ITPR1: variants seen among roughly 807,000 people sequenced by gnomAD.
ITPR1 encodes the protein inositol 1,4,5-trisphosphate receptor type 1, also known as inositol 1,4,5-trisphosphate-gated calcium channel ITPR1.
In ITPR1, 96 loss-of-function variants were observed where a neutral mutation model predicts 318.4. The ratio of observed to expected loss-of-function variants is 0.30; its 90% confidence interval spans 0.26 to 0.36. The LOEUF is 0.36. Among genes scored for constraint, ITPR1 ranks in the 10% least tolerant of loss-of-function variants. The pLI, the probability that ITPR1 is intolerant of heterozygous loss-of-function variation, is 1.00. For synonymous variants in ITPR1, 1,312 were observed against 1,289.9 expected (o/e 1.02, Z -0.37); for missense variants, 2,440 against 3,460.2 (o/e 0.71, Z 7.40).
At chr3:4,611,561 A>AAAATAAATAAAT (rs372628182) in intron 4 of ITPR1, among the ~76,000 whole-genome samples, 18,986 of 142,360 alleles carry the variant, frequency 0.13, 1,470 homozygotes, top group African/African-American at 0.18. Flanking sequence ...CTCTCTCTCA[A>AAAATAAATAAAT]AAATAAATAA....
At chr3:4,570,303 A>G (rs1323046896) in intron 4 of ITPR1, among the ~76,000 whole-genome samples, 2 of 152,244 alleles carry the variant, frequency 1.3e-5, no homozygotes, top group East Asian at 3.8e-4. Flanking sequence ...TTTCTGTGTT[A>G]AAAATGTCTT....
chr3:4,655,183 T>C (rs2093678665), intron 12 of ITPR1, among the ~76,000 whole-genome samples: 1 of 152,206 alleles, frequency 6.6e-6, no homozygotes, highest in Non-Finnish European at 1.5e-5. Flanking sequence ...TGCACCTTCT[T>C]TATTTCAAGA....
intron 44 of ITPR1, among the ~76,000 whole-genome samples, chr3:4,742,080 G>A (rs1188544731): frequency 1.3e-5 from 2 of 152,134 alleles, no homozygotes; most frequent in Non-Finnish European, 2.9e-5. Context: ...CCCCAGGTTG[G>A]CTCAAGGACC....
chr3:4,535,697 G>A (rs1220937203), intron 4 of ITPR1, among the ~76,000 whole-genome samples: 3 of 151,738 alleles, frequency 2.0e-5, no homozygotes, highest in African/African-American at 7.3e-5. Context: ...CACCCGCCTC[G>A]GCCTCCCAAA....
At chr3:4,731,362 G>C (rs184624713) in intron 42 of ITPR1, among the ~76,000 whole-genome samples, 274 of 152,306 alleles carry the variant, frequency 1.8e-3, no homozygotes, top group African/African-American at 6.1e-3. Flanking sequence ...CCTGTGAGCA[G>C]TTTATTTAAA....
intron 20 of ITPR1, 115 bp from the exon 21 acceptor site, chr3:4,673,021 T>G: frequency 1.9e-5 from 21 of 1,105,072 alleles, no homozygotes; most frequent in Non-Finnish European, 2.6e-5. Context: ...TGTTGATGTA[T>G]GAGTTTAGTT....
At chr3:4,646,876 C>T (rs2093470224) in intron 10 of ITPR1, among the ~76,000 whole-genome samples, 1 of 152,070 alleles carries the variant, frequency 6.6e-6, no homozygotes, top group Non-Finnish European at 1.5e-5. Flanking sequence ...TGCTTGCGTT[C>T]TCTTTTCCTC....
intron 4 of ITPR1, among the ~76,000 whole-genome samples, chr3:4,527,180 C>T (rs1322993050): frequency 1.3e-5 from 2 of 152,098 alleles, no homozygotes; most frequent in African/African-American, 4.8e-5. Context: ...GCTTTTCTTC[C>T]TTTGTAGTTT....
chr3:4,531,731 T>G (rs1219439330), intron 4 of ITPR1, among the ~76,000 whole-genome samples: 1 of 152,186 alleles, frequency 6.6e-6, no homozygotes, highest in East Asian at 1.9e-4. Context: ...ATGATCTCCC[T>G]ATCTCTGTTG....
At chr3:4,665,371 T>C (rs1048218870) in intron 17 of ITPR1, 75 bp downstream of exon 17, 3 of 1,354,944 alleles carry the variant, frequency 2.2e-6, no homozygotes, top group Non-Finnish European at 2.1e-6. Context: ...CCTGAGTTTT[T>C]AGTGTCACAT....
chr3:4,568,262 G>C (rs1222586579), intron 4 of ITPR1, among the ~76,000 whole-genome samples: 6 of 152,114 alleles, frequency 3.9e-5, no homozygotes, highest in Non-Finnish European at 7.4e-5. Context: ...GTAAAAACTA[G>C]GCATACTCTA....
At chr3:4,677,019 G>C (rs1371696460) in intron 24 of ITPR1, among the ~76,000 whole-genome samples, 1 of 152,136 alleles carries the variant, frequency 6.6e-6, no homozygotes, top group Admixed American at 6.5e-5. Context: ...GCCATGTCAA[G>C]ACTTGCCATT....
rs536653326 is a variant in ITPR1 at position 4,645,371 on chromosome 3, C to G, written c.625-16C>G. ...GTGAGGGGTACGTGAAAAAATAACT[C>G]GAATCTGTGTTTCAGGTCAATTCCG... On this transcript the variant is annotated splice_polypyrimidine_tract_variant and intron_variant, in intron 8 of 61. Coordinates refer to ENST00000649015, the MANE Select transcript of ITPR1 (RefSeq NM_001378452.1). 1 of 1,586,778 alleles carries G rather than the reference C, an allele frequency of 6.3e-7. No individual in the cohort carries two copies. The highest frequency in any genetic ancestry group is 1.3e-5 in the African/African-American group (1 of 74,450).
At chr3:4,836,199 G>A (rs1225175030) in intron 60 of ITPR1, among the ~76,000 whole-genome samples, 3 of 152,122 alleles carry the variant, frequency 2.0e-5, no homozygotes, top group Admixed American at 6.5e-5. Flanking sequence ...TGAGGCCCCT[G>A]GAGCAGTCAA....
chr3:4,634,275 ATGTT>A (rs2093110047), intron 5 of ITPR1, among the ~76,000 whole-genome samples: 1 of 151,990 alleles, frequency 6.6e-6, no homozygotes, highest in Non-Finnish European at 1.5e-5. Context: ...GTGCAGTGAC[ATGTT>A]CCCGGCTCAC....
chr3:4,574,742 G>A (rs2088440578), intron 4 of ITPR1, among the ~76,000 whole-genome samples: 1 of 152,250 alleles, frequency 6.6e-6, no homozygotes, highest in Admixed American at 6.5e-5. Flanking sequence ...AGCTCCTGAT[G>A]CGTCAGTCAC....
At chr3:4,554,376 A>G (rs936662913) in intron 4 of ITPR1, among the ~76,000 whole-genome samples, 1 of 152,220 alleles carries the variant, frequency 6.6e-6, no homozygotes, top group Non-Finnish European at 1.5e-5. Context: ...CGCAGAAGGA[A>G]TCAGTACTTT....
intron 59 of ITPR1, among the ~76,000 whole-genome samples, chr3:4,817,173 C>T: frequency 6.6e-6 from 1 of 152,280 alleles, no homozygotes; most frequent in African/African-American, 2.4e-5. Flanking sequence ...TCACCTTGTA[C>T]ATTTCCTGAG....
intron 12 of ITPR1, among the ~76,000 whole-genome samples, chr3:4,654,144 G>T (rs1207903970): frequency 6.6e-6 from 1 of 152,224 alleles, no homozygotes; most frequent in Non-Finnish European, 1.5e-5. Flanking sequence ...AGTTGGAGAA[G>T]TTCATGGTAT....
Sources: allele counts gnomAD v4.1 joint callset (sites outside exome capture counted in the v4.1 genomes callset), GRCh38; gene constraint gnomAD v4.1.1; transcripts MANE v1.5; gene names NCBI Gene and HGNC (gene_info 2026-07-23, HGNC 2026-07-21).